Variants in FAM193A observed in about 807,000 individuals in gnomAD.
FAM193A encodes the protein protein FAM193A.
A neutral mutation model predicts 126.5 loss-of-function variants in FAM193A; 22 were observed. The ratio of observed to expected loss-of-function variants is 0.17; its 90% CI spans 0.12 to 0.25. FAM193A has a LOEUF of 0.25. Ranked by LOEUF, FAM193A falls within the 10% of genes least tolerant of loss-of-function variation. The pLI is 1.00. For synonymous variants in FAM193A, 761 were observed against 646.8 expected (o/e 1.18, Z -2.68); for missense variants, 1,675 against 1,672.8 (o/e 1.00, Z -0.02).
At chr4:2,709,164 A>G (rs937792268) in intron 19 of FAM193A, among the ~76,000 whole-genome samples, 9 of 152,180 alleles carry the variant, frequency 5.9e-5, no homozygotes, top group African/African-American at 9.7e-5. Flanking sequence ...GGAGATAACC[A>G]TGATGTTTCT....
chr4:2,645,846 T>TATA (rs1437428173), intron 6 of FAM193A, among the ~76,000 whole-genome samples: 11 of 152,282 alleles, frequency 7.2e-5, no homozygotes, highest in Admixed American at 3.9e-4. Context: ...CTTAATACAA[T>TATA]ATAATATAGT....
At chr4:2,608,431 G>A (rs1741672268) in intron 2 of FAM193A, among the ~76,000 whole-genome samples, 1 of 152,134 alleles carries the variant, frequency 6.6e-6, no homozygotes, top group Admixed American at 6.6e-5. Context: ...TCCCTCTGTC[G>A]CCCTGGCTGG....
rs1018016311 is a variant in FAM193A at position 2,620,678 on chromosome 4, G to A, written c.502-4584G>A. 6.0e-5 allele frequency among the ~76,000 whole-genome samples: 9 copies of A among 150,692 alleles called. No individual in the cohort carries two copies. In the East Asian group the frequency reaches 9.8e-4, roughly 16 times the overall value. On this transcript the variant is annotated intron_variant, in intron 2 of 20. Coordinates refer to ENST00000637812, the MANE Select transcript of FAM193A (RefSeq NM_001366318.2). ...AGCCTTGTCAACGTGGTGTAACCCC[G>A]TCTCTACTAAAAATACAAAAATTAG...
At chr4:2,556,792 G>A (rs191910898) in intron 1 of FAM193A, among the ~76,000 whole-genome samples, 4 of 152,142 alleles carry the variant, frequency 2.6e-5, no homozygotes, top group Non-Finnish European at 5.9e-5. Flanking sequence ...TTTCCCTTAC[G>A]TAAGTTAATA....
chr4:2,537,422 A>C (rs1197525924), intron 1 of FAM193A, among the ~76,000 whole-genome samples: 1 of 152,046 alleles, frequency 6.6e-6, no homozygotes, highest in African/African-American at 2.4e-5. Flanking sequence ...CGGGAGGGCT[A>C]CACCGGGGCC....
intron 13 of FAM193A, among the ~76,000 whole-genome samples, chr4:2,678,769 AT>A (rs1714749815): frequency 6.6e-6 from 1 of 152,056 alleles, no homozygotes; most frequent in Non-Finnish European, 1.5e-5. Context: ...TTGAGTGTTG[AT>A]TTTGTATCTT....
At chr4:2,640,338 C>T (rs112791267) in intron 6 of FAM193A, among the ~76,000 whole-genome samples, 7 of 152,154 alleles carry the variant, frequency 4.6e-5, no homozygotes, top group African/African-American at 1.7e-4. Context: ...GGCTTCTTCA[C>T]GCTTGGGAAG....
At chr4:2,698,408 C>A (rs1314976586) in intron 18 of FAM193A, among the ~76,000 whole-genome samples, 1 of 152,216 alleles carries the variant, frequency 6.6e-6, no homozygotes, top group Non-Finnish European at 1.5e-5. Context: ...AGACACTGGA[C>A]TGCAGGACCC....
chr4:2,693,991 C>A, intron 16 of FAM193A, 117 bp downstream of exon 16: 1 of 1,102,978 alleles, frequency 9.1e-7, no homozygotes, highest in Non-Finnish European at 1.3e-6. Flanking sequence ...TAGTGAAATG[C>A]CGAGGGAATG....
chr4:2,647,238 C>A (rs990155183), intron 7 of FAM193A, among the ~76,000 whole-genome samples: 1 of 152,082 alleles, frequency 6.6e-6, no homozygotes, highest in Non-Finnish European at 1.5e-5. Flanking sequence ...CTCCGCCTCC[C>A]GGGTTCAAGT....
chr4:2,695,512 T>C (rs1394145377), intron 17 of FAM193A, among the ~76,000 whole-genome samples: 1 of 152,236 alleles, frequency 6.6e-6, no homozygotes, highest in African/African-American at 2.4e-5. Context: ...TGTCCATCTT[T>C]CCAGAGCTGT....
intron 20 of FAM193A, among the ~76,000 whole-genome samples, chr4:2,726,702 G>A (rs1285412114): frequency 1.3e-4 from 20 of 150,948 alleles, no homozygotes; most frequent in African/African-American, 4.1e-4. Flanking sequence ...AAGCCGAGGC[G>A]GGTGGATCAC....
At chr4:2,591,858 A>G (rs1186225343) in intron 1 of FAM193A, among the ~76,000 whole-genome samples, 2 of 152,196 alleles carry the variant, frequency 1.3e-5, no homozygotes, top group African/African-American at 2.4e-5. Flanking sequence ...GTTTATTCAG[A>G]AAAGGTAAAA....
At position 2,663,182 on chromosome 4, in the gene FAM193A, G is replaced by C. The variant is rs1712684911; in HGVS notation, c.1973G>C (p.Gly658Ala). The C allele has an allele frequency of 6.2e-7, 1 of 1,614,032 alleles. No individual in the cohort carries two copies. The highest frequency in any genetic ancestry group is 1.3e-5 in the African/African-American group (1 of 74,892). The change falls in exon 12 of 21, where the codon GGG (glycine) becomes GCG (alanine). Residue 658 changes from glycine (G) to alanine (A), a missense_variant. By Grantham distance (60) the Gly-to-Ala change is moderately conservative. Around this residue, in one of 4 missense-constraint regions of FAM193A, gnomAD observed 1,186 missense variants for 1,109.2 expected, o/e 1.07. Transcript: ENST00000637812. Reference sequence around the variant, plus strand: ...GAAGAAGCGGACGGCGAGAGTAGTGGGGAGCCCCCAGGGGCCCCGAAGGAA... The same window carrying C: ...GAAGAAGCGGACGGCGAGAGTAGTGCGGAGCCCCCAGGGGCCCCGAAGGAA... ...DDEEADGESS[G>A]EPPGAPKEDG...
intron 20 of FAM193A, among the ~76,000 whole-genome samples, chr4:2,725,055 T>A (rs1405194741): frequency 6.6e-6 from 1 of 152,002 alleles, no homozygotes; most frequent in Non-Finnish European, 1.5e-5. Context: ...TTTTTTGTGT[T>A]TTTAGTAGAG....
chr4:2,611,033 G>A (rs375620177), intron 2 of FAM193A, among the ~76,000 whole-genome samples: 6 of 151,996 alleles, frequency 3.9e-5, no homozygotes, highest in East Asian at 1.9e-4. Context: ...CACCGTGCCC[G>A]GCCGAGTATC....
chr4:2,580,338 G>A (rs1288356777), intron 1 of FAM193A, among the ~76,000 whole-genome samples: 1 of 152,192 alleles, frequency 6.6e-6, no homozygotes. Context: ...AGGGTGGAGG[G>A]TGGGAGGAGG....
At chr4:2,540,324 C>T (rs1351481456) in intron 1 of FAM193A, among the ~76,000 whole-genome samples, 7 of 152,068 alleles carry the variant, frequency 4.6e-5, no homozygotes, top group South Asian at 2.1e-4. Context: ...AAAAATTAGC[C>T]GGGCGTGGTG....
At chr4:2,576,694 A>G (rs1739607146) in intron 1 of FAM193A, among the ~76,000 whole-genome samples, 1 of 152,204 alleles carries the variant, frequency 6.6e-6, no homozygotes, top group Non-Finnish European at 1.5e-5. Flanking sequence ...GAGGCAAACA[A>G]AATCTATATA....
Sources: gnomAD v4.1 joint callset for allele counts (sites outside exome capture counted in the v4.1 genomes callset) on GRCh38, gnomAD v4.1.1 for gene constraint, gnomAD v4.1.1 regional missense constraint, MANE v1.5 for transcripts, NCBI Gene and HGNC (gene_info 2026-07-23, HGNC 2026-07-21) for gene names.